The following PRCC variants were observed in gnomAD, a reference collection of about 807,000 sequenced individuals.
The protein encoded by PRCC is proline-rich protein PRCC.
Under a neutral mutation model 44.0 loss-of-function variants are expected in PRCC, and 10 were observed. The ratio of observed to expected loss-of-function variants is 0.23; its 90% confidence interval spans 0.14 to 0.39. The LOEUF is 0.39. Among genes scored for constraint, PRCC ranks in the 10% least tolerant of loss-of-function variants. PRCC has a pLI of 1.00. For synonymous variants in PRCC, 278 were observed against 259.5 expected, an observed-to-expected ratio of 1.07 and a Z score of -0.69; for missense variants, 573 against 624.7, an observed-to-expected ratio of 0.92 and a Z score of 0.88.
chr1:156,800,772 T>G lies in PRCC; in HGVS notation c.*312T>G. On this transcript the variant is annotated 3_prime_UTR_variant, in exon 7 of 7. Coordinates refer to ENST00000271526, the MANE Select transcript of PRCC (RefSeq NM_005973.5). ...CTCCCCACCACCACTTTTTTTTTTT[T>G]AAACCAGGGATGTCTGTTGAAATAA... 1 of 291,416 alleles carries G rather than the reference T, an allele frequency of 3.4e-6. No individual in the cohort carries two copies. The highest frequency in any genetic ancestry group is 6.5e-6 in the Non-Finnish European group (1 of 153,562). 18.1% of individuals were successfully genotyped at this position (291,416 alleles called of 1,614,324 possible).
At chr1:156,773,898 T>C (rs1651721328) in intron 1 of PRCC, among the ~76,000 whole-genome samples, 1 of 152,202 alleles carries the variant, frequency 6.6e-6, no homozygotes, top group Non-Finnish European at 1.5e-5. Context: ...GTGCACACGT[T>C]AGGATATTAT....
intron 2 of PRCC, among the ~76,000 whole-genome samples, chr1:156,784,535 C>T (rs1194208128): frequency 6.6e-6 from 1 of 152,202 alleles, no homozygotes; most frequent in East Asian, 1.9e-4. Flanking sequence ...TTCAAGGTAG[C>T]CTGAGGGTGT....
chr1:156,775,565 C>T (rs1458741722), intron 1 of PRCC, among the ~76,000 whole-genome samples: 1 of 149,542 alleles, frequency 6.7e-6, no homozygotes, highest in Non-Finnish European at 1.5e-5. Context: ...GGCTGGAGTG[C>T]AGTGGTGCAA....
intron 1 of PRCC, among the ~76,000 whole-genome samples, chr1:156,779,679 TTTTA>T (rs1651980497): frequency 6.6e-6 from 1 of 152,014 alleles, no homozygotes. Context: ...TATTTTAAAT[TTTTA>T]TTTATTTCTG....
intron 4 of PRCC, among the ~76,000 whole-genome samples, chr1:156,792,333 C>T (rs1159702397): frequency 6.6e-6 from 1 of 152,092 alleles, no homozygotes; most frequent in Non-Finnish European, 1.5e-5. Context: ...AGAGGAGGAA[C>T]ACTTCCCCTC....
At chr1:156,799,474 C>T (rs551305627) in intron 6 of PRCC, among the ~76,000 whole-genome samples, 1 of 152,206 alleles carries the variant, frequency 6.6e-6, no homozygotes, top group South Asian at 2.1e-4. Context: ...GTCAAAGATA[C>T]AGACATGAAT....
chr1:156,785,338 C>T (rs376580428), intron 2 of PRCC, among the ~76,000 whole-genome samples: 6 of 151,896 alleles, frequency 4.0e-5, no homozygotes, highest in South Asian at 2.1e-4. Flanking sequence ...GGTAAAACCC[C>T]GTCTCTACTA....
chr1:156,792,081 T>G (rs12737711), intron 4 of PRCC, among the ~76,000 whole-genome samples: 15 of 118,812 alleles, frequency 1.3e-4, no homozygotes, highest in African/African-American at 4.4e-4. Flanking sequence ...TTTTTTTTTT[T>G]GGTAGAGACG....
intron 5 of PRCC, chr1:156,795,783 T>TA (rs1652643044): frequency 6.6e-6 from 1 of 152,260 alleles, no homozygotes; most frequent in Non-Finnish European, 1.5e-5. Context: ...ACTCCTGCCT[T>TA]CTCTGTCCTA....
rs575593280 is a variant in PRCC at position 156,768,165 on chromosome 1, C to G, written c.394C>G (p.Pro132Ala). Reference sequence around the variant, plus strand: ...CCCTCCAATTGGCGGTGCCGGTCCCCCGCTGGGGCTTCCCAAGCCAAAGAA... The same window carrying G: ...CCCTCCAATTGGCGGTGCCGGTCCCGCGCTGGGGCTTCCCAAGCCAAAGAA... ...LPPPIGGAGP[P>A]LGLPKPKKRK... Residue 132 changes from proline to alanine, a missense_variant, in exon 1 of 7, where the codon CCG becomes GCG. Pro to Ala is a conservative substitution (Grantham distance 27). Around this residue, in one of 4 missense-constraint regions of PRCC, gnomAD observed 245 missense variants for 188.5 expected, o/e 1.30. Transcript: ENST00000271526. 1.3e-6 allele frequency: 2 copies of G among 1,554,256 alleles called. No individual in the cohort carries two copies. The highest frequency in any genetic ancestry group is 2.4e-5 in the South Asian group (2 of 84,600).
intron 5 of PRCC, 64 bp from the exon 6 acceptor site, chr1:156,797,212 T>A (rs1446776712): frequency 3.1e-6 from 5 of 1,601,794 alleles, no homozygotes; most frequent in Non-Finnish European, 3.4e-6. Flanking sequence ...CCACACCATC[T>A]GGGCACATGA....
chr1:156,783,638 C>T (rs946788714), intron 2 of PRCC, among the ~76,000 whole-genome samples: 4 of 151,926 alleles, frequency 2.6e-5, no homozygotes, highest in South Asian at 2.1e-4. Context: ...CCCAGCTACT[C>T]GGGAGGCTGA....
chr1:156,772,288 A>G (rs1228958482), intron 1 of PRCC, among the ~76,000 whole-genome samples: 1 of 152,226 alleles, frequency 6.6e-6, no homozygotes, highest in African/African-American at 2.4e-5. Flanking sequence ...GGTAGTCTCA[A>G]TTCTGGTTTT....
At chr1:156,790,988 AAC>A (rs1652451686) in intron 3 of PRCC, 2 of 719,842 alleles carry the variant, frequency 2.8e-6, no homozygotes, top group Non-Finnish European at 4.5e-6. Context: ...GCAAGGAGGA[AAC>A]AGTTTATTGG....
rs749566087 is a variant in PRCC, at chr1:156,786,717, C to T, written c.626C>T (p.Ser209Leu). The T allele has an allele frequency of 8.7e-6, 14 of 1,614,072 alleles. No homozygotes were observed. Among genetic ancestry groups the T allele is most frequent in the African/African-American group, 1.3e-5 (1 of 74,924 alleles). ...LLPHAFSRKP[S>L]DGSPDTKPSR... ...CCCCATGCCTTCTCCCGCAAACCCT[C>T]GGATGGCTCCCCTGATACTAAGCCC... Residue 209 changes from serine (S) to leucine (L), a missense_variant, in exon 3 of 7, where the codon TCG becomes TTG. Around this residue, in one of 4 missense-constraint regions of PRCC, gnomAD observed 118 missense variants for 166.7 expected, o/e 0.71. Coordinates refer to ENST00000271526, the MANE Select transcript of PRCC (RefSeq NM_005973.5).
chr1:156,779,439 C>T (rs533866433), intron 1 of PRCC, among the ~76,000 whole-genome samples: 172 of 152,196 alleles, frequency 1.1e-3, no homozygotes, highest in African/African-American at 4.0e-3. Context: ...GCTCGGCGCT[C>T]ACTGTAACCT....
chr1:156,777,280 C>T (rs1463764820), intron 1 of PRCC, among the ~76,000 whole-genome samples: 2 of 152,150 alleles, frequency 1.3e-5, no homozygotes, highest in African/African-American at 4.8e-5. Flanking sequence ...AAAGCACGGG[C>T]ACTGGAACTG....
chr1:156,782,848 C>T (rs905842871), intron 2 of PRCC, among the ~76,000 whole-genome samples: 1 of 152,120 alleles, frequency 6.6e-6, no homozygotes, highest in African/African-American at 2.4e-5. Context: ...GGAACTTGCC[C>T]AAGATCAGAC....
chr1:156,776,284 T>G lies in PRCC; in HGVS notation c.469-5998T>G, dbSNP rs528698191. Reference sequence around the variant, plus strand: ...ACCTGGGAGGCTGAGGCAGGAAGATTGCTTGAGCCCAGGAGTTTGAGGTTA... The same window carrying G: ...ACCTGGGAGGCTGAGGCAGGAAGATGGCTTGAGCCCAGGAGTTTGAGGTTA... On this transcript the variant is annotated intron_variant, in intron 1 of 6. Coordinates refer to ENST00000271526, the MANE Select transcript of PRCC (RefSeq NM_005973.5). 2.6e-5 allele frequency among the ~76,000 whole-genome samples: 4 copies of G among 152,318 alleles called. No homozygotes were observed. The South Asian group carries it at 8.3e-4, about 32-fold the overall frequency.
Sources: gnomAD v4.1 joint callset for allele counts (sites outside exome capture counted in the v4.1 genomes callset) on GRCh38, gnomAD v4.1.1 for gene constraint, gnomAD v4.1.1 regional missense constraint, MANE v1.5 for transcripts, NCBI Gene and HGNC (gene_info 2026-07-23, HGNC 2026-07-21) for gene names.